UTS2B: variants seen among roughly 807,000 people sequenced by gnomAD.
UTS2B encodes urotensin 2B, also known as urotensin-2B.
UTS2B carries 21 observed loss-of-function variants against 19.2 expected under a neutral mutation model. The observed-to-expected ratio is 1.09, with a 90% CI of 0.78 to 1.58. The LOEUF is 1.58. Ranked by LOEUF, UTS2B falls within the 40% of genes most tolerant of loss-of-function variation. The pLI is 0.00. For synonymous variants in UTS2B, 57 were observed against 50.2 expected, an observed-to-expected ratio of 1.14 and a Z score of -0.58; for missense variants, 138 against 130.3, an observed-to-expected ratio of 1.06 and a Z score of -0.29.
At chr3:191,309,316 C>A (rs1717226270) in intron 3 of UTS2B, among the ~76,000 whole-genome samples, 1 of 152,142 alleles carries the variant, frequency 6.6e-6, no homozygotes, top group East Asian at 1.9e-4. Context: ...CGCCTACCAC[C>A]ACGCCTGGCT....
intron 4 of UTS2B, among the ~76,000 whole-genome samples, chr3:191,299,431 C>T (rs1293410624): frequency 2.6e-5 from 4 of 152,370 alleles, no homozygotes; most frequent in East Asian, 3.9e-4. Flanking sequence ...GCTCCAGCCA[C>T]GTCTAAAAGG....
intron 2 of UTS2B, among the ~76,000 whole-genome samples, chr3:191,324,204 T>C (rs559686672): frequency 6.6e-6 from 1 of 152,338 alleles, no homozygotes; most frequent in Admixed American, 6.5e-5. Context: ...CTGTGTCACC[T>C]TGGGTCTCTG....
In UTS2B at chr3:191,294,062, CGCGCCATT is replaced by C. The variant is rs1576922550; in HGVS notation, c.-125+10422_-125+10429del. The stretch of plus-strand genomic sequence containing the variant: ...GGGGGAGGTTGCGGTGAGCCAAGAT[CGCGCCATT>C]GCACTCCAGCCTGGGCAACAGGAAT... On this transcript the variant is annotated intron_variant, in intron 4 of 8. Transcript: ENST00000340524. Among the ~76,000 whole-genome samples, 2 of 151,612 alleles carry C rather than the reference CGCGCCATT, an allele frequency of 1.3e-5. 1 individual carries two copies. The highest frequency in any genetic ancestry group is 4.9e-5 in the African/African-American group (2 of 41,056).
Position 191,324,243 on chromosome 3 carries a change from T to C in UTS2B, c.-586+4388A>G, listed in dbSNP as rs114035789. ...AGATTCTCCACCAGCAAGAAGGCTC[T>C]TACCAGATGGGACTCCTTCAATTGG... On this transcript the variant is annotated intron_variant, in intron 2 of 8. Transcript: ENST00000340524. 1.7e-3 allele frequency among the ~76,000 whole-genome samples: 266 copies of C among 152,350 alleles called. 2 individuals carry two copies. The highest frequency in any genetic ancestry group is 6.0e-3 in the African/African-American group (249 of 41,588).
At chr3:191,303,860 G>A (rs913769259) in intron 4 of UTS2B, among the ~76,000 whole-genome samples, 8 of 96,822 alleles carry the variant, frequency 8.3e-5, no homozygotes, top group African/African-American at 3.9e-4. Context: ...ATCTGGCCAC[G>A]CAGATGTGGT....
At chr3:191,324,964 C>A (rs1455978765) in intron 2 of UTS2B, among the ~76,000 whole-genome samples, 1 of 152,038 alleles carries the variant, frequency 6.6e-6, no homozygotes, top group Non-Finnish European at 1.5e-5. Context: ...GCATGAGAAT[C>A]GCTTGAACCT....
At chr3:191,271,200 C>CTCAA (rs1716083238) in intron 8 of UTS2B, among the ~76,000 whole-genome samples, 1 of 52,742 alleles carries the variant, frequency 1.9e-5, no homozygotes, top group African/African-American at 7.2e-5. Flanking sequence ...GAGACTCTCT[C>CTCAA]AAAAAAAAAA....
chr3:191,271,000 C>T (rs926272946), intron 8 of UTS2B, among the ~76,000 whole-genome samples: 6 of 151,714 alleles, frequency 4.0e-5, no homozygotes, highest in Non-Finnish European at 8.8e-5. Flanking sequence ...GTCAGGAGAT[C>T]GAGACCATTC....
chr3:191,300,241 G>T (rs1716960408), intron 4 of UTS2B, among the ~76,000 whole-genome samples: 1 of 151,616 alleles, frequency 6.6e-6, no homozygotes, highest in Admixed American at 6.6e-5. Flanking sequence ...GTAGACATGG[G>T]GTTTCACCAT....
At chr3:191,332,785 T>C (rs1179526645), upstream of UTS2B, among the ~76,000 whole-genome samples, 2 of 152,228 alleles carry the variant, frequency 1.3e-5, no homozygotes, top group Non-Finnish European at 2.9e-5. Flanking sequence ...CAAGACTCCC[T>C]ACTTCCTTTT....
chr3:191,331,899 G>A (rs562374104), upstream of UTS2B, among the ~76,000 whole-genome samples: 1 of 152,060 alleles, frequency 6.6e-6, no homozygotes, highest in African/African-American at 2.4e-5. Context: ...ATTTGAGAAG[G>A]GTTAGTAGTA....
At chr3:191,268,601 C>T (rs1442452752) in intron 8 of UTS2B, among the ~76,000 whole-genome samples, 160 bp from the exon 9 acceptor site, 2 of 152,152 alleles carry the variant, frequency 1.3e-5, no homozygotes, top group African/African-American at 2.4e-5. Context: ...AAGTTAATCA[C>T]AATTAAATTA....
intron 4 of UTS2B, among the ~76,000 whole-genome samples, chr3:191,302,159 TC>T: frequency 6.6e-6 from 1 of 152,194 alleles, no homozygotes; most frequent in East Asian, 1.9e-4. Context: ...GAAAGTCACC[TC>T]CGGCCATCCT....
chr3:191,296,264 C>T (rs1008479302), intron 4 of UTS2B, among the ~76,000 whole-genome samples: 3 of 142,720 alleles, frequency 2.1e-5, no homozygotes, highest in Admixed American at 1.4e-4. Flanking sequence ...TACACACACT[C>T]ACACACACAC....
intron 2 of UTS2B, among the ~76,000 whole-genome samples, chr3:191,318,117 C>A (rs1411711542): frequency 6.6e-6 from 1 of 152,168 alleles, no homozygotes; most frequent in Non-Finnish European, 1.5e-5. Flanking sequence ...CGATGAGAAG[C>A]AATGTTGTGG....
chr3:191,305,009 T>C (rs1717099522), intron 3 of UTS2B, among the ~76,000 whole-genome samples: 1 of 152,220 alleles, frequency 6.6e-6, no homozygotes, highest in South Asian at 2.1e-4. Flanking sequence ...ATGATCTTGT[T>C]CTTTTTCATG....
chr3:191,300,848 T>C (rs897946458), intron 4 of UTS2B, among the ~76,000 whole-genome samples: 3 of 152,234 alleles, frequency 2.0e-5, no homozygotes, highest in South Asian at 2.1e-4. Context: ...TCAGGTATAA[T>C]TGTAAGATTT....
intron 1 of UTS2B, among the ~76,000 whole-genome samples, chr3:191,329,947 G>C (rs796994464): frequency 2.1e-4 from 30 of 142,684 alleles, no homozygotes; most frequent in African/African-American, 5.6e-4. Flanking sequence ...GTGGTTGGGG[G>C]GGGGGGGGGC....
chr3:191,291,038 T>A (rs567750692), intron 4 of UTS2B, among the ~76,000 whole-genome samples: 96 of 151,638 alleles, frequency 6.3e-4, no homozygotes, highest in Non-Finnish European at 1.2e-3. Flanking sequence ...GTAGAGTTTC[T>A]GACATCCTGA....
Sources: gnomAD v4.1 joint callset for allele counts (sites outside exome capture counted in the v4.1 genomes callset) on GRCh38, gnomAD v4.1.1 for gene constraint, MANE v1.5 for transcripts, NCBI Gene and HGNC (gene_info 2026-07-23, HGNC 2026-07-21) for gene names.